Variants in CCDC15 observed in about 807,000 individuals in gnomAD.
The protein encoded by CCDC15 is coiled-coil domain containing 15.
CCDC15 carries 105 observed loss-of-function variants against 114.5 expected under a neutral mutation model. The observed-to-expected ratio is 0.92, with a 90% confidence interval of 0.78 to 1.08. The LOEUF is 1.08. Ranked by LOEUF, CCDC15 falls within the 50% of genes least tolerant of loss-of-function variation. The pLI is 0.00. For missense variants in CCDC15, 1,105 were observed against 1,093.6 expected (o/e 1.01, Z -0.15); for synonymous variants, 334 against 377.8 (o/e 0.88, Z 1.34).
intron 2 of CCDC15, among the ~76,000 whole-genome samples, chr11:124,957,715 C>A (rs1214461617): frequency 1.3e-5 from 2 of 152,174 alleles, no homozygotes; most frequent in African/African-American, 4.8e-5. Context: ...GACACTTGTA[C>A]ACTCCACTAG....
chr11:125,003,440 T>C (rs1294605546), intron 11 of CCDC15, among the ~76,000 whole-genome samples: 7 of 151,980 alleles, frequency 4.6e-5, no homozygotes, highest in East Asian at 1.9e-4. Flanking sequence ...AGTTGATTGA[T>C]ATAATATTTT....
chr11:124,984,201 A>G lies in CCDC15; in HGVS notation c.754-2541A>G, dbSNP rs149030626. Among the ~76,000 whole-genome samples the G allele has an allele frequency of 2.6e-4, 40 of 152,248 alleles. No individual in the cohort carries two copies. In the East Asian group the frequency reaches 7.0e-3, roughly 26 times the overall value. On this transcript the variant is annotated intron_variant, in intron 6 of 15. Coordinates refer to ENST00000344762, the MANE Select transcript of CCDC15 (RefSeq NM_025004.3). ...TGAGTAAAATGATGTAGGTGTTGCT[A>G]TGGATGAGTGCATGCTGGAAAAGTG... is the stretch of plus-strand genomic sequence containing the variant.
At chr11:125,008,690 G>T (rs2135522596) in intron 13 of CCDC15, among the ~76,000 whole-genome samples, 1 of 152,002 alleles carries the variant, frequency 6.6e-6, no homozygotes, top group African/African-American at 2.4e-5. Context: ...TCCATCAGTT[G>T]CATTTCTTTT....
rs1053245279 is a variant in CCDC15, at chr11:124,955,001, C to T, written c.177+92C>T. 53 of 1,101,404 alleles carry T rather than the reference C, an allele frequency of 4.8e-5. No individual in the cohort carries two copies. The African/African-American group carries it at 7.6e-4, about 16-fold the overall frequency. 68.2% of individuals were successfully genotyped at this position (1,101,404 alleles called of 1,614,324 possible). ...CCTGGGTGCTTAAAGATGAACAGTC[C>T]GAGGATGCTGTTTCTATTCTGCCAT... On this transcript the variant is annotated intron_variant, in intron 2 of 15. Coordinates refer to ENST00000344762, the MANE Select transcript of CCDC15 (RefSeq NM_025004.3).
intron 13 of CCDC15, among the ~76,000 whole-genome samples, chr11:125,014,730 G>A (rs910647096): frequency 5.3e-5 from 8 of 152,130 alleles, no homozygotes; most frequent in South Asian, 2.1e-4. Context: ...TCATGTATTA[G>A]TATCATATGT....
At chr11:124,968,927 T>G (rs553047153) in intron 4 of CCDC15, among the ~76,000 whole-genome samples, 1 of 152,296 alleles carries the variant, frequency 6.6e-6, no homozygotes, top group East Asian at 1.9e-4. Context: ...ATTGCAACTA[T>G]TTTTTCAACA....
Position 124,988,147 on chromosome 11 carries a change from A to C in CCDC15, c.1908+13A>C, listed in dbSNP as rs1206009953. On this transcript the variant is annotated intron_variant, in intron 8 of 15. Transcript: ENST00000344762. ...ACCAAAATATCAGGTAAAATAGAGC[A>C]GAAAGGAGATACAAAAAGAAGAAAT... is the stretch of plus-strand genomic sequence containing the variant. The C allele has an allele frequency of 1.9e-6, 3 of 1,593,150 alleles. No homozygotes were observed. The highest frequency in any genetic ancestry group is 2.6e-6 in the Non-Finnish European group (3 of 1,172,128).
At chr11:124,967,536 CT>C (rs1276143930) in intron 4 of CCDC15, among the ~76,000 whole-genome samples, 2 of 152,162 alleles carry the variant, frequency 1.3e-5, no homozygotes, top group African/African-American at 2.4e-5. Flanking sequence ...TTCGTCTAAT[CT>C]TTTTTCAAGG....
rs745890127 is a variant in CCDC15 at position 124,986,712 on chromosome 11, CGT to C, written c.754-28_754-27del. ...GTGTTTGTGTGTGTGCGCGCGCGCGCGTGCGCGTTTTCATTGTTTTTTTCTTT... is the reference window on the plus strand; with the variant it reads ...GTGTTTGTGTGTGTGCGCGCGCGCGCGCGCGTTTTCATTGTTTTTTTCTTT... On this transcript the variant is annotated intron_variant, in intron 6 of 15. Transcript: ENST00000344762. The C allele has an allele frequency of 3.6e-3, 5,230 of 1,436,864 alleles. 269 individuals are homozygous for C. The African/African-American group carries it at 0.041, about 11-fold the overall frequency. The allele number at this position is 1,436,864 out of a possible 1,614,324, so 89.0% of individuals were successfully genotyped here.
chr11:124,983,113 CT>C (rs1948099386), intron 6 of CCDC15, among the ~76,000 whole-genome samples: 1 of 152,004 alleles, frequency 6.6e-6, no homozygotes, highest in Admixed American at 6.6e-5. Flanking sequence ...TTATGAAATT[CT>C]TGTAGTGTGT....
At chr11:124,967,396 G>A (rs1947803039) in intron 4 of CCDC15, among the ~76,000 whole-genome samples, 1 of 152,058 alleles carries the variant, frequency 6.6e-6, no homozygotes, top group Non-Finnish European at 1.5e-5. Context: ...TTCAGTCACT[G>A]ATACCCTTTC....
At chr11:124,990,237 G>A (rs1948245219) in intron 8 of CCDC15, among the ~76,000 whole-genome samples, 1 of 152,166 alleles carries the variant, frequency 6.6e-6, no homozygotes, top group African/African-American at 2.4e-5. Context: ...GTAGAACAGT[G>A]AGAACACACA....
chr11:125,002,964 A>G (rs1168345446), intron 11 of CCDC15, among the ~76,000 whole-genome samples: 1 of 152,070 alleles, frequency 6.6e-6, no homozygotes. Flanking sequence ...GGATTATTAA[A>G]TTTGTTGATC....
At chr11:124,960,128 C>A (rs1020122953) in intron 4 of CCDC15, 125 bp downstream of exon 4, 17 of 521,790 alleles carry the variant, frequency 3.3e-5, no homozygotes, top group African/African-American at 5.2e-5. Flanking sequence ...TTTTGATAAT[C>A]ATCCCCCTTT....
chr11:124,974,629 A>G (rs531872559), intron 4 of CCDC15, among the ~76,000 whole-genome samples: 3 of 152,172 alleles, frequency 2.0e-5, no homozygotes, highest in Non-Finnish European at 4.4e-5. Flanking sequence ...GAAAGGAGTC[A>G]TGTAAATTGG....
rs569534952 is a variant in CCDC15, at chr11:124,986,688, T to C, written c.754-54T>C. 5.1e-6 allele frequency: 7 copies of C among 1,370,334 alleles called. No homozygotes were observed. The African/African-American group carries it at 9.7e-5, about 19-fold the overall frequency. The allele number at this position is 1,370,334 out of a possible 1,614,324, so 84.9% of individuals were successfully genotyped here. A position where few individuals can be genotyped will look rare whatever the true frequency, so the allele number is the denominator to read the frequency against. Reference sequence around the variant, plus strand: ...GGTGCTGTGTGTGTGTGTGTGTGTGTGTTTGTGTGTGTGCGCGCGCGCGCG... The same window carrying C: ...GGTGCTGTGTGTGTGTGTGTGTGTGCGTTTGTGTGTGTGCGCGCGCGCGCG... On this transcript the variant is annotated intron_variant, in intron 6 of 15. Coordinates refer to ENST00000344762, the MANE Select transcript of CCDC15 (RefSeq NM_025004.3).
intron 13 of CCDC15, among the ~76,000 whole-genome samples, chr11:125,030,636 C>T (rs1009000818): frequency 2.6e-5 from 4 of 152,200 alleles, no homozygotes; most frequent in Non-Finnish European, 5.9e-5. Flanking sequence ...TGGCTGATCA[C>T]CCTGAGGAAT....
intron 4 of CCDC15, among the ~76,000 whole-genome samples, chr11:124,964,567 A>G (rs1300595199): frequency 6.6e-6 from 1 of 152,220 alleles, no homozygotes; most frequent in Non-Finnish European, 1.5e-5. Flanking sequence ...TTCTAAATAT[A>G]CAATCATGTC....
intron 13 of CCDC15, among the ~76,000 whole-genome samples, chr11:125,013,324 G>T (rs1948608074): frequency 6.6e-6 from 1 of 152,078 alleles, no homozygotes; most frequent in Non-Finnish European, 1.5e-5. Flanking sequence ...ATTTGGGGTG[G>T]CTAAACCCCA....
Sources: allele counts gnomAD v4.1 joint callset (sites outside exome capture counted in the v4.1 genomes callset), GRCh38; gene constraint gnomAD v4.1.1; transcripts MANE v1.5; gene names NCBI Gene and HGNC (gene_info 2026-07-23, HGNC 2026-07-21).